CFAP100: variants seen among roughly 807,000 people sequenced by gnomAD.
CFAP100 encodes cilia- and flagella-associated protein 100.
Under a neutral mutation model 81.5 loss-of-function variants are expected in CFAP100, and 70 were observed. The observed-to-expected ratio is 0.86, with a 90% CI of 0.71 to 1.05. The LOEUF (loss-of-function observed/expected upper bound fraction) is 1.05. CFAP100 is among the 50% of genes least tolerant of loss of function. CFAP100 has a pLI of 0.00. For synonymous variants in CFAP100, 341 were observed against 314.8 expected (o/e 1.08, Z -0.88); for missense variants, 811 against 776.5 (o/e 1.04, Z -0.53).
Position 126,419,159 on chromosome 3 carries a change from G to A in CFAP100, c.731+3G>A. ...ACCCAGATTGTTAATATCAAAAGGT[G>A]AGGTCAGAGGGCATGCTGGCCATTG... On this transcript the variant is annotated splice_donor_region_variant and intron_variant, in intron 8 of 16. Coordinates refer to ENST00000352312, the MANE Select transcript of CFAP100 (RefSeq NM_182628.3). 6.5e-7 allele frequency: 1 copy of A among 1,544,836 alleles called. No individual in the cohort carries two copies. Among genetic ancestry groups the A allele is most frequent in the Non-Finnish European group, 8.7e-7 (1 of 1,144,190 alleles).
intron 5 of CFAP100, among the ~76,000 whole-genome samples, chr3:126,417,438 C>A (rs1365096828): frequency 1.3e-5 from 2 of 152,208 alleles, no homozygotes; most frequent in Admixed American, 6.5e-5. Context: ...AGAGGTGTAC[C>A]ATGTGACTCT....
At chr3:126,420,281 C>G (rs2083310116) in intron 11 of CFAP100, 52 bp downstream of exon 11, 1 of 1,602,042 alleles carries the variant, frequency 6.2e-7, no homozygotes, top group South Asian at 1.1e-5. Context: ...GCGAGCCCTC[C>G]CTTGTGGCAC....
intron 2 of CFAP100, among the ~76,000 whole-genome samples, chr3:126,400,554 C>G (rs938129682): frequency 9.2e-5 from 14 of 151,982 alleles, no homozygotes; most frequent in African/African-American, 1.2e-4. Flanking sequence ...GAGATTGAGA[C>G]CATCCTGGCT....
rs757733673 is a variant in CFAP100, at chr3:126,434,337, G to T, written c.1584G>T (p.Lys528Asn). The T allele has an allele frequency of 2.5e-6, 4 of 1,613,958 alleles. No homozygotes were observed. Among genetic ancestry groups the T allele is most frequent in the Admixed American group, 3.3e-5 (2 of 60,000 alleles). The change falls in exon 15 of 17, where the codon AAG (lysine) becomes AAT (asparagine). Residue 528 changes from lysine (K) to asparagine (N), a missense_variant. Lys to Asn is a moderately conservative substitution (Grantham distance 94). Coordinates refer to ENST00000352312, the MANE Select transcript of CFAP100 (RefSeq NM_182628.3). The part of the protein sequence containing the change: ...LENLEHVPQV[K>N]IEQAERAKEK... ...ACCTGGAGCACGTGCCCCAGGTCAAGATCGAGCAGGCCGAGAGGGCAAAGG... is the reference window on the plus strand; with the variant it reads ...ACCTGGAGCACGTGCCCCAGGTCAATATCGAGCAGGCCGAGAGGGCAAAGG...
chr3:126,406,194 C>G (rs1217089816), intron 2 of CFAP100, among the ~76,000 whole-genome samples: 1 of 152,154 alleles, frequency 6.6e-6, no homozygotes, highest in African/African-American at 2.4e-5. Context: ...GCCCCGAAGG[C>G]CTCTGAGTTT....
chr3:126,418,922 A>G, intron 7 of CFAP100, 148 bp downstream of exon 7: 1 of 1,092,860 alleles, frequency 9.2e-7, no homozygotes, highest in Non-Finnish European at 1.3e-6. Context: ...AGGGCAGGGG[A>G]CACTACGGGC....
At position 126,423,602 on chromosome 3, in the gene CFAP100, T is replaced by C. The variant is rs747561818; in HGVS notation, c.1244T>C (p.Leu415Pro). The C allele has an allele frequency of 9.3e-6, 15 of 1,614,146 alleles. No individual in the cohort carries two copies. Among genetic ancestry groups the C allele is most frequent in the Non-Finnish European group, 1.2e-5 (14 of 1,180,028 alleles). The part of the protein sequence containing the change: ...IQNSQETEKT[L>P]EELSHTLKHT... Reference sequence around the variant, plus strand: ...AACAGCCAGGAGACGGAGAAGACCCTGGAGGAGCTGAGCCACACCCTGAAA... The same window carrying C: ...AACAGCCAGGAGACGGAGAAGACCCCGGAGGAGCTGAGCCACACCCTGAAA... The change falls in exon 13 of 17, where the codon CTG becomes CCG. Residue 415 changes from leucine to proline, a missense_variant. By Grantham distance (98) the Leu-to-Pro change is moderately conservative. Coordinates refer to ENST00000352312, the MANE Select transcript of CFAP100 (RefSeq NM_182628.3).
intron 15 of CFAP100, 151 bp from the exon 16 acceptor site, chr3:126,435,408 T>C (rs889751589): frequency 7.0e-6 from 4 of 571,006 alleles, no homozygotes; most frequent in South Asian, 5.4e-5. Flanking sequence ...TGGCTGTGGA[T>C]AGGTATTGAG....
chr3:126,403,498 C>T (rs2083018981), intron 2 of CFAP100, among the ~76,000 whole-genome samples: 1 of 151,382 alleles, frequency 6.6e-6, no homozygotes, highest in Non-Finnish European at 1.5e-5. Context: ...TATCTTCCTG[C>T]CTCAGCCTCC....
At chr3:126,428,215 G>A (rs1933035022) in intron 13 of CFAP100, among the ~76,000 whole-genome samples, 2 of 152,198 alleles carry the variant, frequency 1.3e-5, no homozygotes, top group African/African-American at 2.4e-5. Flanking sequence ...ACAAGACATG[G>A]AAGAACCTTA....
chr3:126,419,980 G>C lies in CFAP100; in HGVS notation c.914G>C (p.Gly305Ala). The C allele has an allele frequency of 6.2e-7, 1 of 1,613,088 alleles. No homozygotes were observed. Reference protein sequence around the residue: ...SSVNSTPGDKGPGIKGKASSM... With the variant: ...SSVNSTPGDKAPGIKGKASSM... Reference sequence around the variant, plus strand: ...GGGGCCCCCCCTTTGCTTCCTGCAGGACCAGGGATCAAGGGCAAGGCGAGC... The same window carrying C: ...GGGGCCCCCCCTTTGCTTCCTGCAGCACCAGGGATCAAGGGCAAGGCGAGC... Residue 305 changes from glycine (G) to alanine (A), a missense_variant and splice_region_variant, in exon 10 of 17, where the codon GGA becomes GCA. By Grantham distance (60) the Gly-to-Ala change is moderately conservative. Coordinates refer to ENST00000352312, the MANE Select transcript of CFAP100 (RefSeq NM_182628.3).
chr3:126,427,538 G>A (rs1933011488), intron 13 of CFAP100, among the ~76,000 whole-genome samples: 1 of 152,184 alleles, frequency 6.6e-6, no homozygotes, highest in African/African-American at 2.4e-5. Context: ...TTTTTTGTGT[G>A]TGGACGTAGG....
intron 2 of CFAP100, among the ~76,000 whole-genome samples, chr3:126,397,642 A>G (rs2082909093): frequency 6.6e-6 from 1 of 152,228 alleles, no homozygotes; most frequent in Non-Finnish European, 1.5e-5. Flanking sequence ...AGACAGGCAG[A>G]GCCAGGATTG....
At position 126,401,212 on chromosome 3, in the gene CFAP100, G is replaced by C. The variant is rs1357230775; in HGVS notation, c.49+5163G>C. Among the ~76,000 whole-genome samples the C allele has an allele frequency of 1.4e-4, 22 of 151,750 alleles. 1 individual carries two copies. Among genetic ancestry groups the C allele is most frequent in the Admixed American group, 1.4e-3 (22 of 15,234 alleles). ...GATGGGGAGTTGTTTAATGCACGCA[G>C]AGTTTCAGTTTGGGATGATGAAAAG... On this transcript the variant is annotated intron_variant, in intron 2 of 16. Transcript: ENST00000352312.
intron 11 of CFAP100, among the ~76,000 whole-genome samples, chr3:126,421,229 C>T (rs908242933): frequency 6.6e-6 from 1 of 152,160 alleles, no homozygotes; most frequent in African/African-American, 2.4e-5. Flanking sequence ...GTCTCAAACT[C>T]CTGACCTCAG....
chr3:126,428,213 T>A (rs546893240), intron 13 of CFAP100, among the ~76,000 whole-genome samples: 1 of 152,310 alleles, frequency 6.6e-6, no homozygotes, highest in South Asian at 2.1e-4. Flanking sequence ...TGACAAGACA[T>A]GGAAGAACCT....
intron 2 of CFAP100, among the ~76,000 whole-genome samples, chr3:126,403,499 C>G: frequency 6.6e-6 from 1 of 151,440 alleles, no homozygotes; most frequent in East Asian, 1.9e-4. Context: ...ATCTTCCTGC[C>G]TCAGCCTCCA....
intron 2 of CFAP100, among the ~76,000 whole-genome samples, chr3:126,401,035 C>T (rs2082970702): frequency 6.6e-6 from 1 of 152,154 alleles, no homozygotes; most frequent in Non-Finnish European, 1.5e-5. Flanking sequence ...ATACATGCTA[C>T]AGTACAAATG....
At chr3:126,415,927 C>T (rs55810361) in intron 4 of CFAP100, among the ~76,000 whole-genome samples, 19,379 of 152,262 alleles carry the variant, frequency 0.13, 1,319 homozygotes, top group Non-Finnish European at 0.15. Context: ...ACACCCACTA[C>T]ACAGTCGTAG....
Sources: gnomAD v4.1 joint callset for allele counts (sites outside exome capture counted in the v4.1 genomes callset) on GRCh38, gnomAD v4.1.1 for gene constraint, MANE v1.5 for transcripts, NCBI Gene and HGNC (gene_info 2026-07-23, HGNC 2026-07-21) for gene names.